The following KIF14 variants were observed in gnomAD, a reference collection of about 807,000 sequenced individuals.
KIF14 encodes the protein kinesin-like protein KIF14.
A neutral mutation model predicts 176.2 loss-of-function variants in KIF14; 98 were observed. The observed-to-expected ratio is 0.56, with a 90% CI of 0.47 to 0.66. KIF14 has a LOEUF of 0.66. Among genes scored for constraint, KIF14 ranks in the 30% least tolerant of loss-of-function variants. The pLI, the probability that KIF14 is intolerant of heterozygous loss-of-function variation, is 0.00. For missense variants in KIF14, 1,751 were observed against 1,920.4 expected, an observed-to-expected ratio of 0.91 and a Z score of 1.65; for synonymous variants, 566 against 632.2, an observed-to-expected ratio of 0.90 and a Z score of 1.57.
Position 200,603,306 on chromosome 1 carries a change from CA to C in KIF14, c.1898del (p.Leu633TrpfsTer30). 6.2e-7 allele frequency: 1 copy of C among 1,607,594 alleles called. No homozygotes were observed. Among genetic ancestry groups the C allele is most frequent in the Non-Finnish European group, 8.5e-7 (1 of 1,175,510 alleles). ...CCGAAAGTGCAGATATAACTTTTCC[CA>C]AAGTTAGCAAGGACTTATTAATACT... is the stretch of plus-strand genomic sequence containing the variant. The part of the protein sequence containing the change: ...GVSINKSLLT[L>X]GKVISALSEQ... On this transcript the variant is annotated frameshift_variant, in exon 10 of 30. Coordinates refer to ENST00000367350, the MANE Select transcript of KIF14 (RefSeq NM_014875.3). LOFTEE classifies it high-confidence loss of function.
chr1:200,570,067 ATATT>A, intron 22 of KIF14, 62 bp from the exon 23 acceptor site: 1 of 776,116 alleles, frequency 1.3e-6, no homozygotes, highest in Non-Finnish European at 2.0e-6. Flanking sequence ...ATTATTAAGA[ATATT>A]TATAAGTTCT....
At chr1:200,591,997 T>C in intron 16 of KIF14, 83 bp downstream of exon 16, 1 of 1,195,502 alleles carries the variant, frequency 8.4e-7, no homozygotes, top group Non-Finnish European at 1.2e-6. Context: ...AAAGAGTTAA[T>C]TACTAGAGAC....
chr1:200,582,234 C>G (rs1658500324), intron 19 of KIF14, among the ~76,000 whole-genome samples: 1 of 151,950 alleles, frequency 6.6e-6, no homozygotes. Context: ...ATTAGCCAAG[C>G]AAGGAAGCAT....
At chr1:200,554,641 T>C (rs753142277) in intron 28 of KIF14, 35 bp from the exon 29 acceptor site, 1 of 1,124,852 alleles carries the variant, frequency 8.9e-7, no homozygotes, top group Non-Finnish European at 1.3e-6. Flanking sequence ...AAATAATACA[T>C]TAACAGGCTC....
rs1168946802 is a variant in KIF14, at chr1:200,618,373, T to G, written c.351A>C (p.Thr117=). ...TAGCACGACGTTGTAATGTAAGACGTGTTTCTGCTGTTTTTTCAGTTGTGT... is the reference window on the plus strand; with the variant it reads ...TAGCACGACGTTGTAATGTAAGACGGGTTTCTGCTGTTTTTTCAGTTGTGT... ...LEDTTEKTAE[T]RLTLQRRAKT... The change falls in exon 2 of 30, where the codon ACA becomes ACC. Residue 117 remains threonine, a synonymous_variant. Coordinates refer to ENST00000367350, the MANE Select transcript of KIF14 (RefSeq NM_014875.3). 1.9e-6 allele frequency: 3 copies of G among 1,614,052 alleles called. No homozygotes were observed. The highest frequency in any genetic ancestry group is 1.3e-5 in the African/African-American group (1 of 74,948).
In KIF14 at chr1:200,618,162, T is replaced by A; in HGVS notation, c.562A>T (p.Ile188Phe). 4.3e-6 allele frequency: 7 copies of A among 1,614,024 alleles called. No individual in the cohort carries two copies. Among genetic ancestry groups the A allele is most frequent in the Non-Finnish European group, 4.2e-6 (5 of 1,179,956 alleles). Residue 188 changes from isoleucine to phenylalanine, a missense_variant, in exon 2 of 30, where the codon ATT becomes TTT. By Grantham distance (21) the Ile-to-Phe change is conservative (BLOSUM62 0). Transcript: ENST00000367350. The stretch of plus-strand genomic sequence containing the variant: ...TATTTCTTATCAGCCATCATTTCAA[T>A]GACCTGTGGATCTTCATCTAAAGGT... ...SVPLDEDPQV[I>F]EMMADKKYKE... is the part of the protein sequence containing the mutation.
chr1:200,619,644 T>C (rs896655553), intron 1 of KIF14, among the ~76,000 whole-genome samples: 4 of 152,182 alleles, frequency 2.6e-5, no homozygotes, highest in East Asian at 3.8e-4. Context: ...AGCCACCGCG[T>C]CCGGCCCATG....
chr1:200,603,196 A>G (rs760117112), intron 10 of KIF14, 30 bp downstream of exon 10: 1 of 1,294,188 alleles, frequency 7.7e-7, no homozygotes, highest in Admixed American at 1.7e-5. Context: ...TATATTTTAT[A>G]CAATTCTTTA....
rs953627835 is a variant in KIF14 at position 200,560,747 on chromosome 1, C to A, written c.4205G>T (p.Gly1402Val). 6.2e-7 allele frequency: 1 copy of A among 1,614,162 alleles called. No individual in the cohort carries two copies. The highest frequency in any genetic ancestry group is 8.5e-7 in the Non-Finnish European group (1 of 1,180,024). Residue 1402 changes from glycine to valine, a missense_variant, in exon 26 of 30, where the codon GGT becomes GTT. Physicochemically the swap from Gly to Val is moderately radical, Grantham distance 109 (BLOSUM62 -3). Coordinates refer to ENST00000367350, the MANE Select transcript of KIF14 (RefSeq NM_014875.3). Reference protein sequence around the residue: ...KGSKLHFLENGNNKAASVQEE... With the variant: ...KGSKLHFLENVNNKAASVQEE... ...CTGGACACTGGCAGCTTTATTGTTA[C>A]CGTTTTCTAGAAAATGTAGCTTGCT... is the stretch of plus-strand genomic sequence containing the variant.
intron 4 of KIF14, 117 bp downstream of exon 4, chr1:200,614,201 T>C: frequency 1.8e-6 from 1 of 568,864 alleles, no homozygotes. Flanking sequence ...AGAAGAGTGA[T>C]CTACAAATTA....
chr1:200,591,685 T>C (rs1659059245), intron 16 of KIF14, among the ~76,000 whole-genome samples: 1 of 152,216 alleles, frequency 6.6e-6, no homozygotes, highest in South Asian at 2.1e-4. Flanking sequence ...TTCTCCTCTA[T>C]GGGACGTCTT....
Position 200,553,239 on chromosome 1 carries a change from GATAA to G in KIF14, c.*145_*148del. Reference sequence around the variant, plus strand: ...GCGTGAGCCACTGTGTCTGGCCTTTGATAAATAGATATTTTAAAGATAAAAAGAC... The same window carrying G: ...GCGTGAGCCACTGTGTCTGGCCTTTGATAGATATTTTAAAGATAAAAAGAC... On this transcript the variant is annotated 3_prime_UTR_variant, in exon 30 of 30. Coordinates refer to ENST00000367350, the MANE Select transcript of KIF14 (RefSeq NM_014875.3). 1.2e-6 allele frequency: 1 copy of G among 861,204 alleles called. No individual in the cohort carries two copies. The highest frequency in any genetic ancestry group is 1.7e-6 in the Non-Finnish European group (1 of 582,396). The allele number at this position is 861,204 out of a possible 1,614,324, so 53.3% of individuals were successfully genotyped here. A position where few individuals can be genotyped will look rare whatever the true frequency, so the allele number is the denominator to read the frequency against.
chr1:200,596,775 G>A lies in KIF14; in HGVS notation c.2549+1462C>T, dbSNP rs372219861. 2.6e-5 allele frequency among the ~76,000 whole-genome samples: 4 copies of A among 151,516 alleles called. No individual in the cohort carries two copies. The East Asian group carries it at 5.8e-4, about 22-fold the overall frequency. On this transcript the variant is annotated intron_variant, in intron 14 of 29. Transcript: ENST00000367350. Reference sequence around the variant, plus strand: ...AGATGAGGTTTCACCATGTTGGCCAGGCTGATGTTGAACTCCTGGTCTCAA... The same window carrying A: ...AGATGAGGTTTCACCATGTTGGCCAAGCTGATGTTGAACTCCTGGTCTCAA...
chr1:200,564,260 C>CA (rs57025286), intron 25 of KIF14, among the ~76,000 whole-genome samples: 10,074 of 65,926 alleles, frequency 0.15, 597 homozygotes, highest in Non-Finnish European at 0.17. Context: ...GACTCCAGCT[C>CA]AAAAAAAAAA....
chr1:200,565,361 G>T (rs1657389175), intron 24 of KIF14, 84 bp downstream of exon 24: 10 of 1,404,650 alleles, frequency 7.1e-6, no homozygotes, highest in African/African-American at 1.4e-5. Context: ...CATGCCAGAT[G>T]TGCCAAATAA....
chr1:200,561,001 CG>C, intron 25 of KIF14, 121 bp from the exon 26 acceptor site: 1 of 801,512 alleles, frequency 1.2e-6, no homozygotes, highest in Non-Finnish European at 2.0e-6. Flanking sequence ...GAGGCCGAGG[CG>C]GGTGGATCGC....
At position 200,600,383 on chromosome 1, in the gene KIF14, T is replaced by C; in HGVS notation, c.2273A>G (p.Gln758Arg). ...ITSLRMKLHQ[Q>R]ERDMAEMQRV... is the part of the protein sequence containing the mutation. ...TTGCATTTCTGCCATGTCTCTCTCC[T>C]GTTGATGCAGTTTCATTCTTAAGGA... Residue 758 changes from glutamine to arginine, a missense_variant, in exon 12 of 30, where the codon CAG becomes CGG. Gln to Arg is a conservative substitution (Grantham distance 43). Transcript: ENST00000367350. The C allele has an allele frequency of 6.2e-7, 1 of 1,613,932 alleles. No individual in the cohort carries two copies. The highest frequency in any genetic ancestry group is 8.5e-7 in the Non-Finnish European group (1 of 1,179,828).
intron 19 of KIF14, 35 bp from the exon 20 acceptor site, chr1:200,581,329 A>G (rs777477842): frequency 3.3e-6 from 4 of 1,207,876 alleles, no homozygotes; most frequent in African/African-American, 3.1e-5. Flanking sequence ...TTCAAAATAC[A>G]TACATGGACA....
Position 200,617,715 on chromosome 1 carries a change from C to CG in KIF14, c.1008dup (p.Glu337ArgfsTer21). 1 of 1,614,100 alleles carries CG rather than the reference C, an allele frequency of 6.2e-7. No individual in the cohort carries two copies. The highest frequency in any genetic ancestry group is 8.5e-7 in the Non-Finnish European group (1 of 1,180,006). On this transcript the variant is annotated frameshift_variant, in exon 2 of 30. Transcript: ENST00000367350. LOFTEE classifies it high-confidence loss of function. ...GTGTTCTGAACTACAGTTTCTTCTT[C>CG]GGGAAGAATTGTATTTTCTGCGGAT...
Sources: gnomAD v4.1 joint callset for allele counts (sites outside exome capture counted in the v4.1 genomes callset) on GRCh38, gnomAD v4.1.1 for gene constraint, MANE v1.5 for transcripts, NCBI Gene and HGNC (gene_info 2026-07-23, HGNC 2026-07-21) for gene names.